Variants in CORO2B observed in about 807,000 individuals in gnomAD.
CORO2B encodes coronin-2B.
A neutral mutation model predicts 58.8 loss-of-function variants in CORO2B; 26 were observed. That is an observed-to-expected ratio of 0.44 (90% CI 0.32 to 0.61). The LOEUF (loss-of-function observed/expected upper bound fraction) is 0.61. CORO2B is among the 20% of genes least tolerant of loss of function. The pLI is 0.04. For missense variants in CORO2B, 460 were observed against 645.1 expected, an observed-to-expected ratio of 0.71 and a Z score of 3.11; for synonymous variants, 242 against 253.8, an observed-to-expected ratio of 0.95 and a Z score of 0.44.
intron 3 of CORO2B, among the ~76,000 whole-genome samples, chr15:68,701,699 C>T (rs77508548): frequency 0.18 from 27,269 of 151,350 alleles, 2,997 homozygotes; most frequent in Non-Finnish European, 0.24. Flanking sequence ...TTAGCCAGGA[C>T]GATCTCAATC....
At chr15:68,659,793 G>A (rs1311327981) in intron 2 of CORO2B, among the ~76,000 whole-genome samples, 1 of 152,208 alleles carries the variant, frequency 6.6e-6, no homozygotes, top group African/African-American at 2.4e-5. Flanking sequence ...AATTAGCCAG[G>A]TGTGGTGGTG....
chr15:68,627,425 G>C (rs909001138), intron 1 of CORO2B, among the ~76,000 whole-genome samples: 1 of 152,148 alleles, frequency 6.6e-6, no homozygotes, highest in Non-Finnish European at 1.5e-5. Flanking sequence ...GTGTTGGTGG[G>C]GGGTGGTCAG....
At chr15:68,695,326 T>A in intron 3 of CORO2B, 70 bp downstream of exon 3, 1 of 1,085,122 alleles carries the variant, frequency 9.2e-7, no homozygotes, top group East Asian at 2.4e-5. Context: ...AGGCCTCTCT[T>A]CCTACCCTCC....
At chr15:68,631,275 G>A (rs1900819820) in intron 1 of CORO2B, among the ~76,000 whole-genome samples, 2 of 152,204 alleles carry the variant, frequency 1.3e-5, no homozygotes, top group African/African-American at 4.8e-5. Context: ...TTGTGAGGAA[G>A]ACCAAGAGGG....
chr15:68,527,056 C>T, the CORO2B span, among the ~76,000 whole-genome samples: 1 of 152,198 alleles, frequency 6.6e-6, no homozygotes, highest in African/African-American at 2.4e-5. Context: ...GAGAAGGCAT[C>T]TGTTTGAAAA....
At chr15:68,684,057 A>G (rs543085196) in intron 2 of CORO2B, among the ~76,000 whole-genome samples, 1 of 152,182 alleles carries the variant, frequency 6.6e-6, no homozygotes, top group Non-Finnish European at 1.5e-5. Flanking sequence ...ATTAGGCAAC[A>G]GTGTGTAAGG....
intron 1 of CORO2B, among the ~76,000 whole-genome samples, chr15:68,638,931 G>T (rs75798891): frequency 1.3e-5 from 2 of 152,334 alleles, no homozygotes; most frequent in Non-Finnish European, 2.9e-5. Flanking sequence ...AACAGCAAGG[G>T]ACTCACTAGG....
In CORO2B at chr15:68,663,449, G is replaced by A. The variant is rs148551762; in HGVS notation, c.216+18089G>A. On this transcript the variant is annotated intron_variant, in intron 2 of 11. Coordinates refer to ENST00000261861, the MANE Select transcript of CORO2B (RefSeq NM_006091.5). ...TTTAAATGGATAGTTGAAGAGGTAC[G>A]TGCTTTCTTCCAGGAAACACACACA... 2.4e-3 allele frequency among the ~76,000 whole-genome samples: 372 copies of A among 152,242 alleles called. 3 individuals are homozygous for A. Among genetic ancestry groups the A allele is most frequent in the African/African-American group, 8.4e-3 (349 of 41,546 alleles).
rs2291534 is a variant in CORO2B at position 68,645,102 on chromosome 15, C to T, written c.16-58C>T. The T allele has an allele frequency of 0.19, 297,837 of 1,562,666 alleles. 29,559 individuals carry two copies. The highest frequency in any genetic ancestry group is 0.25 in the African/African-American group (18,528 of 73,986). ...AGCTTCCCTCCCCCAAGAGCCCAGCCGAGGCCCTTCATGGCACAGGGCCCA... is the reference window on the plus strand; with the variant it reads ...AGCTTCCCTCCCCCAAGAGCCCAGCTGAGGCCCTTCATGGCACAGGGCCCA... On this transcript the variant is annotated intron_variant, in intron 1 of 11. Transcript: ENST00000261861. The surrounding 1 kb of genome is among the most constrained non-coding windows in gnomAD (Gnocchi z 4.5).
intron 1 of CORO2B, among the ~76,000 whole-genome samples, chr15:68,635,290 A>T (rs542155223): frequency 6.6e-6 from 1 of 152,360 alleles, no homozygotes; most frequent in East Asian, 1.9e-4. Flanking sequence ...AAAATAGGTC[A>T]GGAGTCTGGC....
chr15:68,552,887 C>T, the CORO2B span, among the ~76,000 whole-genome samples: 22 of 152,348 alleles, frequency 1.4e-4, no homozygotes, highest in Admixed American at 3.3e-4. Flanking sequence ...GACCAGGACA[C>T]GTAGTGGTTG....
In CORO2B at chr15:68,717,458, C is replaced by T. The variant is rs1326193175; in HGVS notation, c.968-1240C>T. Among the ~76,000 whole-genome samples the T allele has an allele frequency of 2.0e-5, 3 of 152,090 alleles. No individual in the cohort carries two copies. The East Asian group carries it at 5.8e-4, about 29-fold the overall frequency. On this transcript the variant is annotated intron_variant, in intron 8 of 11. Transcript: ENST00000261861. ...GTGGGGAGAAGGAAGACGGGGAGAACAGTGTGAATCCAGATGTTTAGAAAG... is the reference window on the plus strand; with the variant it reads ...GTGGGGAGAAGGAAGACGGGGAGAATAGTGTGAATCCAGATGTTTAGAAAG...
chr15:68,682,630 G>A lies in CORO2B; in HGVS notation c.217-12510G>A, dbSNP rs564224406. On this transcript the variant is annotated intron_variant, in intron 2 of 11. Transcript: ENST00000261861. ...CGATTGGTAATGCCTGTTATAGATA[G>A]AGAAACCCCAGGAGGGGCAAGGATA... Among the ~76,000 whole-genome samples, 81 of 152,270 alleles carry A rather than the reference G, an allele frequency of 5.3e-4. 1 individual carries two copies. The South Asian group carries it at 0.016, about 31-fold the overall frequency.
intron 2 of CORO2B, among the ~76,000 whole-genome samples, chr15:68,652,220 CGTT>C (rs1566996550): frequency 6.6e-6 from 1 of 152,184 alleles, no homozygotes; most frequent in African/African-American, 2.4e-5. Flanking sequence ...TTCGGGCTGC[CGTT>C]GTGAAGGCCA....
At chr15:68,718,122 G>C (rs1411810765) in intron 8 of CORO2B, among the ~76,000 whole-genome samples, 1 of 152,226 alleles carries the variant, frequency 6.6e-6, no homozygotes, top group Non-Finnish European at 1.5e-5. Flanking sequence ...AGCAGAGGCA[G>C]CTGTTAGGGA....
intron 6 of CORO2B, 71 bp downstream of exon 6, chr15:68,714,112 A>G: frequency 1.0e-6 from 1 of 999,530 alleles, no homozygotes; most frequent in South Asian, 1.4e-5. Flanking sequence ...ACTTCCTCAG[A>G]AAGTCAGGAG....
chr15:68,670,472 G>A (rs1286417416), intron 2 of CORO2B, among the ~76,000 whole-genome samples: 3 of 152,102 alleles, frequency 2.0e-5, no homozygotes, highest in East Asian at 1.9e-4. Flanking sequence ...GAGCCATCGC[G>A]CCCAGCCAGC....
chr15:68,712,604 C>T (rs1046428289), intron 5 of CORO2B, among the ~76,000 whole-genome samples: 2 of 152,134 alleles, frequency 1.3e-5, no homozygotes, highest in African/African-American at 4.8e-5. Context: ...GCTACTCAAC[C>T]TGTACCACTA....
At chr15:68,564,468 T>A in the CORO2B span, among the ~76,000 whole-genome samples, 5 of 152,086 alleles carry the variant, frequency 3.3e-5, no homozygotes, top group Admixed American at 2.6e-4. Flanking sequence ...TACAACCGGC[T>A]AATTTATTTT....
Sources: gnomAD v4.1 joint callset for allele counts (sites outside exome capture counted in the v4.1 genomes callset) on GRCh38, gnomAD v4.1.1 for gene constraint, Gnocchi (gnomAD v3.1) non-coding constraint, MANE v1.5 for transcripts, NCBI Gene and HGNC (gene_info 2026-07-23, HGNC 2026-07-21) for gene names.